The following KCNH4 variants were observed in gnomAD, a reference collection of about 807,000 sequenced individuals.
The protein encoded by KCNH4 is voltage-gated delayed rectifier potassium channel KCNH4.
In KCNH4, 33 loss-of-function variants were observed where a neutral mutation model predicts 90.7. That is an observed-to-expected ratio of 0.36 (90% CI 0.28 to 0.49). The LOEUF (loss-of-function observed/expected upper bound fraction) is 0.49. Among genes scored for constraint, KCNH4 ranks in the 20% least tolerant of loss-of-function variants. KCNH4 has a pLI of 0.98. For synonymous variants in KCNH4, 551 were observed against 581.7 expected (o/e 0.95, Z 0.76); for missense variants, 1,044 against 1,387.1 (o/e 0.75, Z 3.93).
chr17:42,164,211 G>A (rs763388522), intron 11 of KCNH4, 43 bp from the exon 12 acceptor site: 45 of 1,506,212 alleles, frequency 3.0e-5, no homozygotes, highest in Middle Eastern at 3.5e-4. Context: ...CTGCCTTCCC[G>A]CGGCCATAGC....
intron 14 of KCNH4, 143 bp from the exon 15 acceptor site, chr17:42,162,464 C>T: frequency 1.6e-6 from 1 of 634,532 alleles, no homozygotes; most frequent in East Asian, 3.0e-5. Flanking sequence ...AACCTAAACT[C>T]CTTAGCCTGG....
chr17:42,158,269 C>T (rs1156589594), intron 16 of KCNH4, among the ~76,000 whole-genome samples: 1 of 146,376 alleles, frequency 6.8e-6, no homozygotes, highest in Non-Finnish European at 1.5e-5. Flanking sequence ...AAATATTTTT[C>T]AAAATAATCC....
intron 16 of KCNH4, among the ~76,000 whole-genome samples, chr17:42,158,407 G>A (rs1019100400): frequency 3.3e-5 from 5 of 149,662 alleles, no homozygotes; most frequent in South Asian, 2.1e-4. Context: ...GGCAGGCGCC[G>A]GTAGTCCCAG....
chr17:42,176,042 A>G lies in KCNH4; in HGVS notation c.829+12T>C, dbSNP rs201686382. The G allele has an allele frequency of 5.9e-5, 93 of 1,585,148 alleles. No homozygotes were observed. The African/African-American group carries it at 1.1e-3, about 18-fold the overall frequency. ...GCCGACCCACCAGGGTGGGTGAGGC[A>G]GAAGGTCTGACCTAGGATGAAGAGC... is the stretch of plus-strand genomic sequence containing the variant. On this transcript the variant is annotated intron_variant, in intron 5 of 16. Coordinates refer to ENST00000264661, the MANE Select transcript of KCNH4 (RefSeq NM_012285.3).
chr17:42,176,347 AAG>A, intron 4 of KCNH4, 50 bp from the exon 5 acceptor site: 2 of 1,548,620 alleles, frequency 1.3e-6, no homozygotes, highest in Non-Finnish European at 8.8e-7. Context: ...AAGAGGAGCC[AAG>A]ATGGGGGGTG....
Position 42,178,648 on chromosome 17 carries a change from A to G in KCNH4, c.310+145T>C, listed in dbSNP as rs2079879726. ...CTTCATCTTTCAAATGGGGGAACCCAGGACCAGAGAGGTCAGGGATACGCT... is the reference window on the plus strand; with the variant it reads ...CTTCATCTTTCAAATGGGGGAACCCGGGACCAGAGAGGTCAGGGATACGCT... On this transcript the variant is annotated intron_variant, in intron 2 of 16. Transcript: ENST00000264661. The G allele has an allele frequency of 2.7e-6, 3 of 1,123,104 alleles. No homozygotes were observed. The Admixed American group carries it at 7.7e-5, about 29-fold the overall frequency. The allele number at this position is 1,123,104 out of a possible 1,614,324, so 69.6% of individuals were successfully genotyped here.
chr17:42,166,266 G>T (rs779444914), intron 10 of KCNH4, 31 bp downstream of exon 10: 6 of 1,566,984 alleles, frequency 3.8e-6, no homozygotes, highest in African/African-American at 1.4e-5. Flanking sequence ...GTGGTTCCAG[G>T]GTAGGTAGTA....
intron 4 of KCNH4, among the ~76,000 whole-genome samples, chr17:42,177,340 C>A (rs146638416): frequency 6.6e-6 from 1 of 151,418 alleles, no homozygotes; most frequent in East Asian, 1.9e-4. Flanking sequence ...TCAGCCACTG[C>A]GCCTGGCCTC....
chr17:42,175,972 G>T, intron 5 of KCNH4, 82 bp downstream of exon 5: 1 of 1,457,760 alleles, frequency 6.9e-7, no homozygotes, highest in Non-Finnish European at 9.3e-7. Context: ...TCTGGGTCAT[G>T]TGGGCCCCAG....
Position 42,174,527 on chromosome 17 carries a change from C to T in KCNH4, c.987+1052G>A, listed in dbSNP as rs138932811. On this transcript the variant is annotated intron_variant, in intron 6 of 16. Coordinates refer to ENST00000264661, the MANE Select transcript of KCNH4 (RefSeq NM_012285.3). Reference sequence around the variant, plus strand: ...ACACACATGCACGTGTGTGGGAGCACGCACACACGTGTGCACAGCCAGGAG... The same window carrying T: ...ACACACATGCACGTGTGTGGGAGCATGCACACACGTGTGCACAGCCAGGAG... Among the ~76,000 whole-genome samples the T allele has an allele frequency of 5.3e-5, 8 of 152,254 alleles. No homozygotes were observed. In the East Asian group the frequency reaches 7.7e-4, roughly 15 times the overall value.
At chr17:42,177,986 G>A in intron 4 of KCNH4, 114 bp downstream of exon 4, 1 of 1,379,140 alleles carries the variant, frequency 7.3e-7, no homozygotes, top group South Asian at 1.3e-5. Flanking sequence ...GTGGGCAGAG[G>A]AGCAAGCCAA....
chr17:42,176,014 C>T (rs370669113), intron 5 of KCNH4, 40 bp downstream of exon 5: 13 of 1,561,662 alleles, frequency 8.3e-6, no homozygotes, highest in Middle Eastern at 1.7e-4. Context: ...GTGGATCCCC[C>T]CAGCCGACCC....
In KCNH4 at chr17:42,176,094, GGT is replaced by G; in HGVS notation, c.787_788del (p.Thr263ProfsTer57). ...DDDTPITSRH[T>X]LVSDIAVEML... Reference sequence around the variant, plus strand: ...TTTCCACGGCGATGTCGCTGACAAGGGTGTGTCGCGAAGTGATGGGGGTGTCA... The same window carrying G: ...TTTCCACGGCGATGTCGCTGACAAGGGTGTCGCGAAGTGATGGGGGTGTCA... On this transcript the variant is annotated frameshift_variant, in exon 5 of 17. Coordinates refer to ENST00000264661, the MANE Select transcript of KCNH4 (RefSeq NM_012285.3). LOFTEE classifies it high-confidence loss of function. 1 of 1,612,596 alleles carries G rather than the reference GGT, an allele frequency of 6.2e-7. No individual in the cohort carries two copies. The highest frequency in any genetic ancestry group is 8.5e-7 in the Non-Finnish European group (1 of 1,178,776).
chr17:42,180,774 C>T lies in KCNH4; in HGVS notation c.76+96G>A. ...GACCCGCACCTCCATTCTCTCCCCT[C>T]GCCTCGGGTCTCACCATGTCCAGGA... On this transcript the variant is annotated intron_variant, in intron 1 of 16. Transcript: ENST00000264661. The surrounding 1 kb of genome is among the most constrained non-coding windows in gnomAD (Gnocchi z 4.7). 2 of 1,250,104 alleles carry T rather than the reference C, an allele frequency of 1.6e-6. No homozygotes were observed. Among genetic ancestry groups the T allele is most frequent in the South Asian group, 2.5e-5 (2 of 79,604 alleles). 77.4% of individuals were successfully genotyped at this position (1,250,104 alleles called of 1,614,324 possible).
chr17:42,168,807 T>C (rs1027626549), intron 9 of KCNH4, among the ~76,000 whole-genome samples: 1 of 151,988 alleles, frequency 6.6e-6, no homozygotes, highest in African/African-American at 2.4e-5. Context: ...AGTCTCGCTC[T>C]GCCGCCCAGG....
At chr17:42,165,105 CAA>C (rs572673540) in intron 11 of KCNH4, among the ~76,000 whole-genome samples, 1 of 116,808 alleles carries the variant, frequency 8.6e-6, no homozygotes, top group Non-Finnish European at 1.8e-5. Flanking sequence ...GACTTCGTCT[CAA>C]AAAAAAAAAA....
intron 16 of KCNH4, among the ~76,000 whole-genome samples, chr17:42,158,543 AT>A (rs2079724061): frequency 1.5e-5 from 2 of 130,416 alleles, no homozygotes; most frequent in South Asian, 4.9e-4. Context: ...AAAAAAAAAA[AT>A]ATTTTTATAG....
intron 6 of KCNH4, among the ~76,000 whole-genome samples, chr17:42,172,452 G>T (rs534789470): frequency 6.6e-6 from 1 of 151,840 alleles, no homozygotes; most frequent in South Asian, 2.1e-4. Context: ...GATTACAAGC[G>T]TGAGCCACTG....
At chr17:42,174,050 G>A (rs545599623) in intron 6 of KCNH4, among the ~76,000 whole-genome samples, 6 of 152,134 alleles carry the variant, frequency 3.9e-5, no homozygotes, top group African/African-American at 1.4e-4. Flanking sequence ...CTCCACCTCT[G>A]GGACTCAAGC....
Sources: gnomAD v4.1 joint callset for allele counts (sites outside exome capture counted in the v4.1 genomes callset) on GRCh38, gnomAD v4.1.1 for gene constraint, Gnocchi (gnomAD v3.1) non-coding constraint, MANE v1.5 for transcripts, NCBI Gene and HGNC (gene_info 2026-07-23, HGNC 2026-07-21) for gene names.